Variants in MTREX observed in about 807,000 individuals in gnomAD.
The protein encoded by MTREX is Mtr4 exosome RNA helicase, also known as exosome RNA helicase MTR4.
In MTREX, 76 loss-of-function variants were observed where a neutral mutation model predicts 135.4. The ratio of observed to expected loss-of-function variants is 0.56; its 90% confidence interval spans 0.47 to 0.68. The LOEUF (loss-of-function observed/expected upper bound fraction) is 0.68, where lower values mean the gene tolerates loss of function less well. Among genes scored for constraint, MTREX ranks in the 30% least tolerant of loss-of-function variants. The pLI, the probability that MTREX is intolerant of heterozygous loss-of-function variation, is 0.00. For missense variants in MTREX, 920 were observed against 1,262.1 expected, an observed-to-expected ratio of 0.73 and a Z score of 4.11; for synonymous variants, 404 against 401.6, an observed-to-expected ratio of 1.01 and a Z score of -0.07.
intron 22 of MTREX, among the ~76,000 whole-genome samples, chr5:55,406,042 C>T (rs973699115): frequency 2.0e-5 from 3 of 151,988 alleles, no homozygotes; most frequent in African/African-American, 4.8e-5. Flanking sequence ...TATCTTGTTA[C>T]GTGCATAGCA....
chr5:55,372,892 A>ATGTGTG (rs59026723), intron 16 of MTREX, among the ~76,000 whole-genome samples: 2,280 of 120,906 alleles, frequency 0.019, 19 homozygotes, highest in Admixed American at 0.031. Context: ...TAAAACTGTA[A>ATGTGTG]TGTGTGTGTG....
rs138338555 is a variant in MTREX at position 55,400,400 on chromosome 5, G to A, written c.2460G>A (p.Thr820=). Residue 820 remains threonine, a synonymous_variant, in exon 21 of 27, where the codon ACG becomes ACA. Coordinates refer to ENST00000230640, the MANE Select transcript of MTREX (RefSeq NM_015360.5). Reference sequence around the variant, plus strand: ...ATCCAAATTTGGAAACTGTGTATACGCTTTGTGAAAAAAAAGCACAGGTAT... The same window carrying A: ...ATCCAAATTTGGAAACTGTGTATACACTTTGTGAAAAAAAAGCACAGGTAT... ...HNDPNLETVY[T]LCEKKAQIAI... is the part of the protein sequence containing the mutation. 1.9e-5 allele frequency: 31 copies of A among 1,589,818 alleles called. No individual in the cohort carries two copies. The highest frequency in any genetic ancestry group is 6.7e-5 in the East Asian group (3 of 44,518).
At chr5:55,315,803 G>A (rs1749188970) in intron 1 of MTREX, among the ~76,000 whole-genome samples, 1 of 150,828 alleles carries the variant, frequency 6.6e-6, no homozygotes, top group South Asian at 2.1e-4. Flanking sequence ...CATGCCTGTA[G>A]TCCCAGCTAG....
At chr5:55,414,972 T>C (rs746323428) in intron 24 of MTREX, among the ~76,000 whole-genome samples, 1 of 152,066 alleles carries the variant, frequency 6.6e-6, no homozygotes, top group Admixed American at 6.6e-5. Context: ...TTAAAATCTG[T>C]TTTATCATAA....
At chr5:55,400,766 G>A (rs1338612494) in intron 21 of MTREX, among the ~76,000 whole-genome samples, 1 of 152,140 alleles carries the variant, frequency 6.6e-6, no homozygotes, top group Admixed American at 6.5e-5. Context: ...TGTAACTTCA[G>A]AACATTCTTC....
At chr5:55,423,054 C>T (rs766744856) in intron 26 of MTREX, 72 bp downstream of exon 26, 126 of 1,124,648 alleles carry the variant, frequency 1.1e-4, no homozygotes, top group Non-Finnish European at 1.6e-4. Context: ...CCCTGGACCA[C>T]AACCTAGGAG....
At chr5:55,423,112 T>TA (rs1213437706) in intron 26 of MTREX, 130 bp downstream of exon 26, 1 of 652,338 alleles carries the variant, frequency 1.5e-6, no homozygotes, top group African/African-American at 1.8e-5. Flanking sequence ...AGCTATCTAC[T>TA]AGTGTTTCTA....
Position 55,366,760 on chromosome 5 carries a change from G to T in MTREX, c.1695G>T (p.Leu565Phe). ...ATCCTCTAAATAGTGCTTTCCATTTGACCTACAACATGGTTTTGAACTTAC... is the reference window on the plus strand; with the variant it reads ...ATCCTCTAAATAGTGCTTTCCATTTTACCTACAACATGGTTTTGAACTTAC... ...SADPLNSAFH[L>F]TYNMVLNLLR... Residue 565 changes from leucine to phenylalanine, a missense_variant, in exon 16 of 27, where the codon TTG (leucine) becomes TTT (phenylalanine). Physicochemically the swap from Leu to Phe is conservative, Grantham distance 22. Transcript: ENST00000230640. The T allele has an allele frequency of 6.2e-7, 1 of 1,607,710 alleles. No individual in the cohort carries two copies. Among genetic ancestry groups the T allele is most frequent in the South Asian group, 1.1e-5 (1 of 89,158 alleles).
Position 55,378,359 on chromosome 5 carries a change from A to G in MTREX, c.1856A>G (p.Asn619Ser), listed in dbSNP as rs757886894. The stretch of plus-strand genomic sequence containing the variant: ...CAGTATAATAAAATAGTAATTCCCA[A>G]TGAAGAAAGTGTGGTTATCTATTAT... Reference protein sequence around the residue: ...EEQYNKIVIPNEESVVIYYKI... With the variant: ...EEQYNKIVIPSEESVVIYYKI... Residue 619 changes from asparagine to serine, a missense_variant, in exon 17 of 27, where the codon AAT (asparagine) becomes AGT (serine). This residue lies in a region of MTREX where 467 missense variants were observed against 589.7 expected (regional missense o/e 0.79). Transcript: ENST00000230640. The G allele has an allele frequency of 1.8e-5, 29 of 1,608,092 alleles. No homozygotes were observed. The highest frequency in any genetic ancestry group is 2.2e-5 in the East Asian group (1 of 44,678).
intron 19 of MTREX, among the ~76,000 whole-genome samples, chr5:55,392,494 G>A (rs1480566937): frequency 7.0e-6 from 1 of 141,946 alleles, no homozygotes; most frequent in Non-Finnish European, 1.5e-5. Flanking sequence ...AGTGAGCCAA[G>A]ATTGTGTCAC....
At chr5:55,423,926 T>C (rs1325656366) in intron 26 of MTREX, 1 of 152,180 alleles carries the variant, frequency 6.6e-6, no homozygotes, top group Non-Finnish European at 1.5e-5. Context: ...GTAGGCCTGT[T>C]TAATGACTCA....
chr5:55,391,679 A>G (rs901921567), intron 19 of MTREX, among the ~76,000 whole-genome samples: 2 of 152,254 alleles, frequency 1.3e-5, no homozygotes, highest in Non-Finnish European at 2.9e-5. Flanking sequence ...TAAAAGAGCC[A>G]GAATGAACAT....
At chr5:55,388,223 A>T (rs149304717) in intron 19 of MTREX, 121 bp downstream of exon 19, 1 of 712,830 alleles carries the variant, frequency 1.4e-6, no homozygotes, top group African/African-American at 1.8e-5. Context: ...AGAAGTTTTC[A>T]AGGTATTTTA....
chr5:55,378,007 A>C (rs1380690528), intron 16 of MTREX, among the ~76,000 whole-genome samples: 1 of 152,128 alleles, frequency 6.6e-6, no homozygotes, highest in Admixed American at 6.5e-5. Flanking sequence ...GCAAAAAAAA[A>C]AAAAATCATA....
Position 55,358,561 on chromosome 5 carries a change from A to C in MTREX, c.1534-12A>C. The C allele has an allele frequency of 6.3e-7, 1 of 1,580,920 alleles. No homozygotes were observed. The highest frequency in any genetic ancestry group is 8.5e-7 in the Non-Finnish European group (1 of 1,170,724). On this transcript the variant is annotated splice_polypyrimidine_tract_variant and intron_variant, in intron 14 of 26. Coordinates refer to ENST00000230640, the MANE Select transcript of MTREX (RefSeq NM_015360.5). ...TTTTCCTAAACTCTGAATTTTAACT[A>C]TGTTCATTCAGATTTCTTCTGGTGA...
At chr5:55,322,695 G>GA (rs1279107487) in intron 2 of MTREX, among the ~76,000 whole-genome samples, 4 of 151,982 alleles carry the variant, frequency 2.6e-5, no homozygotes, top group African/African-American at 4.8e-5. Flanking sequence ...CCAGTTTTGA[G>GA]AAAAAAGTCT....
At chr5:55,365,689 T>C (rs1750090492) in intron 15 of MTREX, among the ~76,000 whole-genome samples, 1 of 152,176 alleles carries the variant, frequency 6.6e-6, no homozygotes, top group African/African-American at 2.4e-5. Context: ...TTCTGAAGCA[T>C]TTTTATTAAA....
intron 1 of MTREX, among the ~76,000 whole-genome samples, chr5:55,315,802 A>G (rs1221895136): frequency 6.6e-6 from 1 of 151,454 alleles, no homozygotes; most frequent in African/African-American, 2.4e-5. Flanking sequence ...TCATGCCTGT[A>G]GTCCCAGCTA....
intron 1 of MTREX, among the ~76,000 whole-genome samples, chr5:55,311,350 G>A (rs1749108851): frequency 6.6e-6 from 1 of 151,928 alleles, no homozygotes. Flanking sequence ...AGTTGTCTCG[G>A]ATGTTTTTTG....
Sources: gnomAD v4.1 joint callset for allele counts (sites outside exome capture counted in the v4.1 genomes callset) on GRCh38, gnomAD v4.1.1 for gene constraint, gnomAD v4.1.1 regional missense constraint, MANE v1.5 for transcripts, NCBI Gene and HGNC (gene_info 2026-07-23, HGNC 2026-07-21) for gene names.